Variants in SCFD2 observed in about 807,000 individuals in gnomAD.
The protein encoded by SCFD2 is sec1 family domain-containing protein 2.
In SCFD2, 54 loss-of-function variants were observed where a neutral mutation model predicts 58.9. The ratio of observed to expected loss-of-function variants is 0.92; its 90% confidence interval spans 0.74 to 1.15. SCFD2 has a LOEUF of 1.15. Among genes scored for constraint, SCFD2 ranks in the 50% most tolerant of loss-of-function variants. The probability of loss-of-function intolerance (pLI) is 0.00; values close to 1 mark genes in which losing one functional copy is unlikely to be tolerated. For missense variants in SCFD2, 805 were observed against 836.6 expected (o/e 0.96, Z 0.47); for synonymous variants, 321 against 335.9 (o/e 0.96, Z 0.49).
At chr4:52,901,131 G>A (rs1003250968) in intron 7 of SCFD2, among the ~76,000 whole-genome samples, 2 of 152,214 alleles carry the variant, frequency 1.3e-5, no homozygotes, top group Admixed American at 6.5e-5. Flanking sequence ...CTCATGCACG[G>A]TGCACTGCAC....
intron 4 of SCFD2, among the ~76,000 whole-genome samples, chr4:53,223,491 A>C (rs1369073121): frequency 6.6e-6 from 1 of 152,208 alleles, no homozygotes; most frequent in Non-Finnish European, 1.5e-5. Context: ...ACACCCTGCC[A>C]TGTGAGATCC....
chr4:53,044,323 C>T (rs1722972439), intron 5 of SCFD2, among the ~76,000 whole-genome samples: 1 of 152,084 alleles, frequency 6.6e-6, no homozygotes, highest in Non-Finnish European at 1.5e-5. Flanking sequence ...CAAGGCTTTC[C>T]CTGCTCAAAC....
chr4:53,235,917 C>A (rs1446514080), intron 4 of SCFD2, among the ~76,000 whole-genome samples: 1 of 152,136 alleles, frequency 6.6e-6, no homozygotes, highest in East Asian at 1.9e-4. Flanking sequence ...ACTCTAAAGC[C>A]TGGGGCAATC....
At chr4:53,218,480 T>C (rs1728932516) in intron 4 of SCFD2, among the ~76,000 whole-genome samples, 1 of 152,224 alleles carries the variant, frequency 6.6e-6, no homozygotes, top group Non-Finnish European at 1.5e-5. Flanking sequence ...CATGTCATGG[T>C]TTTCAGCTCC....
chr4:53,105,647 T>C (rs564348705), intron 5 of SCFD2, among the ~76,000 whole-genome samples: 1 of 152,288 alleles, frequency 6.6e-6, no homozygotes, highest in Non-Finnish European at 1.5e-5. Context: ...ATTCCTCCTC[T>C]TTGGGCAGGG....
chr4:53,009,696 G>A (rs1216826639), intron 5 of SCFD2, among the ~76,000 whole-genome samples: 1 of 152,150 alleles, frequency 6.6e-6, no homozygotes, highest in Non-Finnish European at 1.5e-5. Context: ...TCTACAGACT[G>A]AAGGATCCTA....
intron 7 of SCFD2, among the ~76,000 whole-genome samples, chr4:52,897,330 C>T (rs1320552504): frequency 6.6e-6 from 1 of 151,862 alleles, no homozygotes; most frequent in Non-Finnish European, 1.5e-5. Flanking sequence ...AGAAACGTCC[C>T]ATCAATACCT....
At chr4:53,022,534 A>C (rs1298114540) in intron 5 of SCFD2, among the ~76,000 whole-genome samples, 2 of 152,192 alleles carry the variant, frequency 1.3e-5, no homozygotes, top group Non-Finnish European at 2.9e-5. Context: ...TCAGAAAATG[A>C]AGGGAAAATG....
intron 4 of SCFD2, among the ~76,000 whole-genome samples, chr4:53,269,274 G>A (rs1731087425): frequency 6.6e-6 from 1 of 152,156 alleles, no homozygotes; most frequent in Non-Finnish European, 1.5e-5. Flanking sequence ...ACACTAAGTG[G>A]TGATCATGCC....
chr4:53,196,407 T>C (rs1728057788), intron 4 of SCFD2, among the ~76,000 whole-genome samples: 1 of 152,170 alleles, frequency 6.6e-6, no homozygotes, highest in African/African-American at 2.4e-5. Flanking sequence ...GCAGTCCACA[T>C]TTGTAATGTT....
At chr4:53,329,522 G>A (rs1259937016) in intron 2 of SCFD2, among the ~76,000 whole-genome samples, 1 of 149,392 alleles carries the variant, frequency 6.7e-6, no homozygotes, top group Non-Finnish European at 1.5e-5. Context: ...CAACAGACCT[G>A]CAGCTGAGGG....
At chr4:53,267,103 T>C (rs1010742487) in intron 4 of SCFD2, among the ~76,000 whole-genome samples, 2 of 152,204 alleles carry the variant, frequency 1.3e-5, no homozygotes, top group Non-Finnish European at 2.9e-5. Context: ...CGATTTCTTT[T>C]TTTTAGCTAA....
At chr4:53,174,601 C>T (rs1191727831) in intron 4 of SCFD2, among the ~76,000 whole-genome samples, 1 of 152,106 alleles carries the variant, frequency 6.6e-6, no homozygotes, top group African/African-American at 2.4e-5. Context: ...CCTCAAAATG[C>T]TCCAAAAATG....
chr4:53,207,569 A>AATATTTATGTATAATATAT (rs1728465222), intron 4 of SCFD2, among the ~76,000 whole-genome samples: 2 of 44,746 alleles, frequency 4.5e-5, no homozygotes, highest in African/African-American at 1.7e-4. Context: ...TAATATATAT[A>AATATTTATGTATAATATAT]ATATTTATAT....
chr4:53,306,036 G>T (rs1732502818), intron 3 of SCFD2, among the ~76,000 whole-genome samples: 1 of 152,162 alleles, frequency 6.6e-6, no homozygotes, highest in Admixed American at 6.6e-5. Flanking sequence ...AAGAAGCATA[G>T]GTAAGAGTTC....
intron 5 of SCFD2, among the ~76,000 whole-genome samples, chr4:53,011,625 C>T (rs898288742): frequency 3.9e-5 from 6 of 152,212 alleles, no homozygotes; most frequent in African/African-American, 1.4e-4. Flanking sequence ...CTATGAGAGG[C>T]ACTGGCTCCT....
intron 8 of SCFD2, among the ~76,000 whole-genome samples, chr4:52,879,166 T>C (rs1339205562): frequency 4.6e-5 from 7 of 152,076 alleles, no homozygotes. Context: ...TCAGCCTCCT[T>C]CTCAAGCCAG....
intron 4 of SCFD2, among the ~76,000 whole-genome samples, chr4:53,268,385 G>A (rs1385420327): frequency 1.3e-5 from 2 of 152,118 alleles, no homozygotes; most frequent in African/African-American, 2.4e-5. Context: ...CAAAGGGATG[G>A]GGAGACTAGA....
intron 5 of SCFD2, among the ~76,000 whole-genome samples, chr4:53,065,318 G>A (rs1305585065): frequency 6.6e-6 from 1 of 152,040 alleles, no homozygotes; most frequent in Non-Finnish European, 1.5e-5. Flanking sequence ...AGTAGCCTGG[G>A]GGAAAGGATA....
Sources: gnomAD v4.1 joint callset for allele counts (sites outside exome capture counted in the v4.1 genomes callset) on GRCh38, gnomAD v4.1.1 for gene constraint, MANE v1.5 for transcripts, NCBI Gene and HGNC (gene_info 2026-07-23, HGNC 2026-07-21) for gene names.